The following PLA2G4A variants were observed in gnomAD, a reference collection of about 807,000 sequenced individuals.
The protein encoded by PLA2G4A is cytosolic phospholipase A2.
In PLA2G4A, 40 loss-of-function variants were observed where a neutral mutation model predicts 81.9. That is an observed-to-expected ratio of 0.49 (90% CI 0.38 to 0.64). The LOEUF (loss-of-function observed/expected upper bound fraction) is 0.64, where lower values mean the gene tolerates loss of function less well. Among genes scored for constraint, PLA2G4A ranks in the 30% least tolerant of loss-of-function variants. The pLI is 0.00. For synonymous variants in PLA2G4A, 302 were observed against 296.9 expected (o/e 1.02, Z -0.18); for missense variants, 715 against 905.1 (o/e 0.79, Z 2.69).
chr1:186,988,111 C>T (rs1657944167), intron 17 of PLA2G4A, among the ~76,000 whole-genome samples: 1 of 152,154 alleles, frequency 6.6e-6, no homozygotes, highest in African/African-American at 2.4e-5. Flanking sequence ...CCACTTTATT[C>T]CCAAATTTAT....
chr1:186,880,832 A>C (rs978747978), intron 3 of PLA2G4A, among the ~76,000 whole-genome samples: 14 of 152,024 alleles, frequency 9.2e-5, no homozygotes, highest in Non-Finnish European at 1.6e-4. Context: ...GCATAGATAC[A>C]GATTCCAAAG....
rs2891260 is a variant in PLA2G4A at position 186,928,183 on chromosome 1, C to T, written c.559-4580C>T. On this transcript the variant is annotated intron_variant, in intron 7 of 17. Transcript: ENST00000367466. ...GAGAGCAGGTTAGATATCCAAGGGA[C>T]CCAGACTGCACTCAGCAAGGTGGTG... is the stretch of plus-strand genomic sequence containing the variant. Among the ~76,000 whole-genome samples the T allele has an allele frequency of 7.8e-3, 1,184 of 152,174 alleles. 20 individuals carry two copies. The highest frequency in any genetic ancestry group is 0.027 in the African/African-American group (1,123 of 41,530).
chr1:186,896,924 G>T (rs1159687136), intron 5 of PLA2G4A, among the ~76,000 whole-genome samples: 1 of 152,046 alleles, frequency 6.6e-6, no homozygotes, highest in East Asian at 1.9e-4. Context: ...AGTGCCCTGT[G>T]CCAGCCACCC....
At chr1:186,968,334 G>A (rs554154616) in intron 15 of PLA2G4A, among the ~76,000 whole-genome samples, 8 of 151,580 alleles carry the variant, frequency 5.3e-5, no homozygotes, top group Admixed American at 3.3e-4. Context: ...GTTTATAAAT[G>A]CAGTACTTCC....
At chr1:186,938,932 G>A in intron 8 of PLA2G4A, 76 bp from the exon 9 acceptor site, 2 of 804,014 alleles carry the variant, frequency 2.5e-6, no homozygotes, top group Non-Finnish European at 4.5e-6. Flanking sequence ...TTTATTTACA[G>A]AGTGTGCCTT....
chr1:186,837,982 A>G (rs921216135), intron 1 of PLA2G4A, among the ~76,000 whole-genome samples: 1 of 152,018 alleles, frequency 6.6e-6, no homozygotes, highest in Non-Finnish European at 1.5e-5. Flanking sequence ...TGGGAAGATG[A>G]GAAACTTCCC....
In PLA2G4A at chr1:186,952,227, TAGTC is replaced by T. The variant is rs963123429; in HGVS notation, c.1336+1503_1336+1506del. ...CTCCATTATTAAGTATTTCTATAGA[TAGTC>T]AGTACATTTGATAACCCCTACAGTA... On this transcript the variant is annotated intron_variant, in intron 13 of 17. Coordinates refer to ENST00000367466, the MANE Select transcript of PLA2G4A (RefSeq NM_024420.3). Among the ~76,000 whole-genome samples, 15 of 152,230 alleles carry T rather than the reference TAGTC, an allele frequency of 9.9e-5. No individual in the cohort carries two copies. The East Asian group carries it at 2.1e-3, about 22-fold the overall frequency.
intron 5 of PLA2G4A, among the ~76,000 whole-genome samples, chr1:186,900,264 T>C (rs575406244): frequency 6.6e-6 from 1 of 152,342 alleles, no homozygotes; most frequent in East Asian, 1.9e-4. Context: ...CATCCTCATC[T>C]GTAAAACAGG....
rs1653433045 is a variant in PLA2G4A, at chr1:186,875,491, A to AT, written c.115+4981dup. ...ACAAGCCATGAGAAAACAAGAACATATTTTTTATTGTTTCAAAAGTCACAG... is the reference window on the plus strand; with the variant it reads ...ACAAGCCATGAGAAAACAAGAACATATTTTTTTATTGTTTCAAAAGTCACAG... On this transcript the variant is annotated intron_variant, in intron 3 of 17. Coordinates refer to ENST00000367466, the MANE Select transcript of PLA2G4A (RefSeq NM_024420.3). Among the ~76,000 whole-genome samples, 6 of 152,180 alleles carry AT rather than the reference A, an allele frequency of 3.9e-5. No homozygotes were observed. In the South Asian group the frequency reaches 8.3e-4, roughly 21 times the overall value.
chr1:186,972,924 G>T (rs929494126), intron 15 of PLA2G4A, among the ~76,000 whole-genome samples: 1 of 152,138 alleles, frequency 6.6e-6, no homozygotes. Context: ...GTTGAAACGA[G>T]GGCATGACCT....
intron 2 of PLA2G4A, among the ~76,000 whole-genome samples, chr1:186,867,010 TG>T (rs1653058191): frequency 6.6e-6 from 1 of 152,186 alleles, no homozygotes; most frequent in African/African-American, 2.4e-5. Context: ...ACTTTATTTA[TG>T]TGCGTCTGTT....
At chr1:186,833,810 C>T (rs1467682507) in intron 1 of PLA2G4A, among the ~76,000 whole-genome samples, 1 of 152,148 alleles carries the variant, frequency 6.6e-6, no homozygotes, top group Non-Finnish European at 1.5e-5. Context: ...GCTACCCTAC[C>T]AGTCTAATCA....
At chr1:186,950,810 C>A in intron 13 of PLA2G4A, 82 bp downstream of exon 13, 1 of 789,708 alleles carries the variant, frequency 1.3e-6, no homozygotes, top group South Asian at 1.4e-5. Context: ...ACTCAAGATG[C>A]TGATGGTAAT....
chr1:186,870,745 G>A (rs772254445), intron 3 of PLA2G4A: 54 of 1,545,760 alleles, frequency 3.5e-5, no homozygotes, highest in Admixed American at 2.0e-4. Flanking sequence ...GGTGACATGC[G>A]TAAGAGTGCC....
At chr1:186,882,067 C>G (rs1021255987) in intron 3 of PLA2G4A, among the ~76,000 whole-genome samples, 13 of 152,232 alleles carry the variant, frequency 8.5e-5, no homozygotes, top group African/African-American at 3.1e-4. Context: ...AACCCCAACT[C>G]TGAATGAACT....
intron 8 of PLA2G4A, among the ~76,000 whole-genome samples, chr1:186,937,253 A>AGAG (rs67366503): frequency 0.27 from 40,535 of 149,028 alleles, 6,559 homozygotes; most frequent in East Asian, 0.45. Context: ...GAGACGGGAA[A>AGAG]AGAGAGAGAG....
At chr1:186,953,120 T>G (rs1000893880) in intron 13 of PLA2G4A, among the ~76,000 whole-genome samples, 4 of 152,226 alleles carry the variant, frequency 2.6e-5, no homozygotes, top group Non-Finnish European at 5.9e-5. Flanking sequence ...AGAGTATATT[T>G]AGTTTTGTAA....
chr1:186,965,856 A>G (rs1211180924), intron 15 of PLA2G4A, among the ~76,000 whole-genome samples: 2 of 152,204 alleles, frequency 1.3e-5, no homozygotes, highest in Non-Finnish European at 2.9e-5. Flanking sequence ...AAAGGAAATG[A>G]GGCTGAGATT....
intron 2 of PLA2G4A, among the ~76,000 whole-genome samples, chr1:186,859,343 C>G (rs1396419869): frequency 9.2e-5 from 14 of 152,134 alleles, no homozygotes; most frequent in Non-Finnish European, 1.5e-5. Context: ...CTTCCAACCT[C>G]AAGGATTTTT....
Sources: allele counts gnomAD v4.1 joint callset (sites outside exome capture counted in the v4.1 genomes callset), GRCh38; gene constraint gnomAD v4.1.1; transcripts MANE v1.5; gene names NCBI Gene and HGNC (gene_info 2026-07-23, HGNC 2026-07-21).